Variants in PASD1 observed in about 807,000 individuals in gnomAD.
The protein encoded by PASD1 is PAS domain containing repressor 1.
PASD1 carries 13 observed loss-of-function variants against 58.8 expected under a neutral mutation model. The ratio of observed to expected loss-of-function variants is 0.22; its 90% CI spans 0.14 to 0.35. The LOEUF (loss-of-function observed/expected upper bound fraction) is 0.35, where lower values mean the gene tolerates loss of function less well. Among genes scored for constraint, PASD1 ranks in the 10% least tolerant of loss-of-function variants. The pLI is 1.00. For missense variants in PASD1, 734 were observed against 568.3 expected, an observed-to-expected ratio of 1.29 and a Z score of -2.96; for synonymous variants, 236 against 216.7, an observed-to-expected ratio of 1.09 and a Z score of -0.78.
At chrX:151,569,778 A>C (rs918794472) in intron 1 of PASD1, among the ~76,000 whole-genome samples, 2 of 110,845 alleles carry the variant, frequency 1.8e-5, no homozygotes, top group Non-Finnish European at 3.8e-5. Context: ...GGGCTCTGGC[A>C]TCAGGTAGCC....
chrX:151,674,240 GC>G, intron 15 of PASD1, 54 bp downstream of exon 15: 1 of 1,188,671 alleles, frequency 8.4e-7, no homozygotes, highest in East Asian at 3.0e-5. Context: ...GGGATTCTGG[GC>G]CCCTTCCACA....
chrX:151,576,513 G>A (rs1476349898), intron 1 of PASD1, among the ~76,000 whole-genome samples: 1 of 112,341 alleles, frequency 8.9e-6, no homozygotes, highest in East Asian at 2.8e-4. Context: ...GACAACTACA[G>A]ATTTAAAGTG....
At chrX:151,672,162 A>G (rs1285059085) in intron 13 of PASD1, 21 bp from the exon 14 acceptor site, 4 of 1,137,651 alleles carry the variant, frequency 3.5e-6, no homozygotes, top group South Asian at 2.1e-5. Context: ...GGGTGCTTTT[A>G]TCTGTTGCCT....
In PASD1 at chrX:151,646,625, T is replaced by C. The variant is rs775337066; in HGVS notation, c.630-1990T>C. On this transcript the variant is annotated intron_variant, in intron 8 of 15. Coordinates refer to ENST00000370357, the MANE Select transcript of PASD1 (RefSeq NM_173493.3). Reference sequence around the variant, plus strand: ...ATTCCTATGTTGTTTATCTCAGATATAAAGTTATGCACTATTTAGAAGCCA... The same window carrying C: ...ATTCCTATGTTGTTTATCTCAGATACAAAGTTATGCACTATTTAGAAGCCA... 2.1e-4 allele frequency among the ~76,000 whole-genome samples: 24 copies of C among 112,883 alleles called. 1 individual carries two copies. Among genetic ancestry groups the C allele is most frequent in the Non-Finnish European group, 5.6e-5 (3 of 53,418 alleles).
At chrX:151,671,511 C>T in intron 12 of PASD1, 62 bp from the exon 13 acceptor site, 1 of 1,149,117 alleles carries the variant, frequency 8.7e-7, no homozygotes, top group Non-Finnish European at 1.2e-6. Flanking sequence ...CCCAGCTTGT[C>T]TTATGCCTTA....
intron 15 of PASD1, among the ~76,000 whole-genome samples, chrX:151,675,401 C>T (rs1264027075): frequency 8.9e-6 from 1 of 111,933 alleles, no homozygotes; most frequent in Non-Finnish European, 1.9e-5. Context: ...TGTCCAGAGC[C>T]CAGCCCTGCT....
intron 4 of PASD1, among the ~76,000 whole-genome samples, chrX:151,617,081 T>G (rs1039179733): frequency 4.5e-5 from 5 of 111,726 alleles, no homozygotes; most frequent in African/African-American, 1.6e-4. Flanking sequence ...AATATTTGTG[T>G]GACAACTAAT....
chrX:151,620,705 G>A (rs4266779), intron 4 of PASD1, among the ~76,000 whole-genome samples: 56,215 of 109,453 alleles, frequency 0.51, 11,522 homozygotes, highest in East Asian at 0.95. Context: ...ATATGGTAGA[G>A]GGAAAGAGCA....
intron 3 of PASD1, among the ~76,000 whole-genome samples, chrX:151,609,495 C>T (rs1413710816): frequency 8.9e-6 from 1 of 111,760 alleles, no homozygotes; most frequent in Non-Finnish European, 1.9e-5. Flanking sequence ...TTCCTGGTAA[C>T]CACCTTTCTA....
At position 151,672,811 on chromosome X, in the gene PASD1, C is replaced by G; in HGVS notation, c.1916+150C>G. ...GCAACTTGCTCTCAACTTGCCTTCT[C>G]TGTGGCCACGGCCATCATCCTTCTG... is the stretch of plus-strand genomic sequence containing the variant. On this transcript the variant is annotated intron_variant, in intron 14 of 15. Coordinates refer to ENST00000370357, the MANE Select transcript of PASD1 (RefSeq NM_173493.3). 3 of 937,389 alleles carry G rather than the reference C, an allele frequency of 3.2e-6. 1 individual carries two copies. The highest frequency in any genetic ancestry group is 7.2e-5 in the Admixed American group (2 of 27,615). 77.3% of individuals were successfully genotyped at this position (937,389 alleles called of 1,213,427 possible). A position where few individuals can be genotyped will look rare whatever the true frequency, so the allele number is the denominator to read the frequency against.
At chrX:151,578,255 C>T (rs188968240) in intron 1 of PASD1, 135 of 112,177 alleles carry the variant, frequency 1.2e-3, no homozygotes, top group African/African-American at 4.1e-3. Flanking sequence ...ACACTTAATA[C>T]CTATTTTTAT....
intron 1 of PASD1, among the ~76,000 whole-genome samples, chrX:151,574,133 G>A (rs1236222931): frequency 8.9e-6 from 1 of 112,226 alleles, no homozygotes; most frequent in African/African-American, 3.2e-5. Context: ...TCTTCCTTGA[G>A]GTCACAATTG....
intron 4 of PASD1, 77 bp downstream of exon 4, chrX:151,611,830 T>G: frequency 1.3e-6 from 1 of 744,557 alleles, no homozygotes; most frequent in African/African-American, 2.1e-5. Flanking sequence ...TTTCTTTTTT[T>G]ATTATACTTT....
At chrX:151,644,485 A>C in intron 8 of PASD1, among the ~76,000 whole-genome samples, 1 of 112,094 alleles carries the variant, frequency 8.9e-6, no homozygotes, top group Admixed American at 9.5e-5. Flanking sequence ...TTGGCTCCAA[A>C]GGAATAGAGA....
chrX:151,565,125 G>A (rs1002043329), intron 1 of PASD1, among the ~76,000 whole-genome samples: 1 of 111,971 alleles, frequency 8.9e-6, no homozygotes, highest in Non-Finnish European at 1.9e-5. Flanking sequence ...CTGACTGGCT[G>A]TGCTTTTCTC....
At chrX:151,604,562 A>G (rs920693238) in intron 2 of PASD1, 84 bp from the exon 3 acceptor site, 1 of 625,925 alleles carries the variant, frequency 1.6e-6, no homozygotes, top group African/African-American at 2.3e-5. Context: ...TCTATAAATT[A>G]AGTATAACTT....
intron 8 of PASD1, chrX:151,641,258 T>G (rs931772362): frequency 1.8e-5 from 2 of 110,095 alleles, no homozygotes; most frequent in Non-Finnish European, 3.8e-5. Flanking sequence ...CTTTAGAGAG[T>G]GCTGATTTCT....
intron 9 of PASD1, among the ~76,000 whole-genome samples, chrX:151,655,002 A>C (rs2014218161): frequency 2.8e-5 from 3 of 105,927 alleles, no homozygotes; most frequent in Admixed American, 1.0e-4. Context: ...ATCCCTCCCC[A>C]CTCCCCCCAC....
intron 1 of PASD1, among the ~76,000 whole-genome samples, chrX:151,570,820 A>G (rs1438740898): frequency 8.9e-6 from 1 of 112,427 alleles, no homozygotes; most frequent in Non-Finnish European, 1.9e-5. Context: ...TAGCTTTACT[A>G]AAAGGAGGTG....
Sources: allele counts gnomAD v4.1 joint callset (sites outside exome capture counted in the v4.1 genomes callset), GRCh38; gene constraint gnomAD v4.1.1; transcripts MANE v1.5; gene names NCBI Gene and HGNC (gene_info 2026-07-23, HGNC 2026-07-21).